AKAP13: variants seen among roughly 807,000 people sequenced by gnomAD.
The protein encoded by AKAP13 is A-kinase anchor protein 13.
AKAP13 carries 80 observed loss-of-function variants against 264.5 expected under a neutral mutation model. The ratio of observed to expected loss-of-function variants is 0.30; its 90% CI spans 0.25 to 0.36. The LOEUF (loss-of-function observed/expected upper bound fraction) is 0.36. Ranked by LOEUF, AKAP13 falls within the 10% of genes least tolerant of loss-of-function variation. AKAP13 has a pLI of 1.00. For missense variants in AKAP13, 3,712 were observed against 3,435.2 expected, an observed-to-expected ratio of 1.08 and a Z score of -2.01; for synonymous variants, 1,380 against 1,250.2, an observed-to-expected ratio of 1.10 and a Z score of -2.19.
intron 4 of AKAP13, chr15:85,536,710 G>A (rs1365560013): frequency 6.6e-6 from 1 of 152,210 alleles, no homozygotes. Flanking sequence ...GCGGGAAAAT[G>A]AAGTCAGTTT....
At chr15:85,438,451 G>C (rs932330936) in intron 1 of AKAP13, among the ~76,000 whole-genome samples, 3 of 151,400 alleles carry the variant, frequency 2.0e-5, no homozygotes, top group African/African-American at 4.9e-5. Context: ...TTTCTTCACA[G>C]AATTGGAAAA....
Position 85,733,240 on chromosome 15 carries a change from T to G in AKAP13, c.7283-1752T>G, listed in dbSNP as rs546897502. Among the ~76,000 whole-genome samples, 6 of 152,362 alleles carry G rather than the reference T, an allele frequency of 3.9e-5. No individual in the cohort carries two copies. The East Asian group carries it at 1.2e-3, about 29-fold the overall frequency. On this transcript the variant is annotated intron_variant, in intron 30 of 36. Transcript: ENST00000394518. The stretch of plus-strand genomic sequence containing the variant: ...GCCTATTTTGCTGAATATAAAATTA[T>G]TGGCTTGTTCATATTTTCTTCCCCA...
At chr15:85,481,572 TG>T (rs1382651046) in intron 1 of AKAP13, among the ~76,000 whole-genome samples, 1 of 152,180 alleles carries the variant, frequency 6.6e-6, no homozygotes, top group African/African-American at 2.4e-5. Flanking sequence ...AAGTGGAAAA[TG>T]TGGGAAGAAT....
intron 5 of AKAP13, among the ~76,000 whole-genome samples, chr15:85,554,501 C>T (rs1269452060): frequency 6.6e-6 from 1 of 152,084 alleles, no homozygotes. Context: ...ATTTTCCTTA[C>T]AGAATTTTGG....
At chr15:85,438,688 G>C (rs1027722790) in intron 1 of AKAP13, among the ~76,000 whole-genome samples, 1 of 150,890 alleles carries the variant, frequency 6.6e-6, no homozygotes, top group Non-Finnish European at 1.5e-5. Flanking sequence ...TCTGATCTTT[G>C]ACAAACCTGA....
chr15:85,545,799 G>T (rs1364561151), intron 5 of AKAP13, among the ~76,000 whole-genome samples: 4 of 152,142 alleles, frequency 2.6e-5, no homozygotes, highest in Non-Finnish European at 5.9e-5. Flanking sequence ...TGATCATTTT[G>T]TTATTGGTTT....
rs150960891 is a variant in AKAP13 at position 85,747,856 on chromosome 15, A to C, written c.*3179A>C. The stretch of plus-strand genomic sequence containing the variant: ...CCCTTCTGTGTCTCAGGGTAATACT[A>C]TTCAGAGTCGCCCCTTTGCTCATTT... On this transcript the variant is annotated 3_prime_UTR_variant, in exon 37 of 37. Coordinates refer to ENST00000394518, the MANE Select transcript of AKAP13 (RefSeq NM_007200.5). 3 of 153,264 alleles carry C rather than the reference A, an allele frequency of 2.0e-5. No individual in the cohort carries two copies. Among genetic ancestry groups the C allele is most frequent in the African/African-American group, 7.2e-5 (3 of 41,414 alleles). The allele number at this position is 153,264 out of a possible 1,614,324, so 9.5% of individuals were successfully genotyped here. A position where few individuals can be genotyped will look rare whatever the true frequency, so the allele number is the denominator to read the frequency against.
chr15:85,682,251 T>C, intron 15 of AKAP13, 39 bp downstream of exon 15: 1 of 1,593,458 alleles, frequency 6.3e-7, no homozygotes, highest in Non-Finnish European at 8.6e-7. Context: ...AGAAATAAAA[T>C]GAAGAAAATT....
In AKAP13 at chr15:85,499,873, C is replaced by A. The variant is rs530791159; in HGVS notation, c.33+14120C>A. On this transcript the variant is annotated intron_variant, in intron 2 of 36. Coordinates refer to ENST00000394518, the MANE Select transcript of AKAP13 (RefSeq NM_007200.5). ...CATGCCTTTTCCGTTTATTATGTTC[C>A]TTGAGGGTAGGGGCTTTGTATTTGA... 3.0e-4 allele frequency among the ~76,000 whole-genome samples: 45 copies of A among 152,176 alleles called. 1 individual carries two copies. The highest frequency in any genetic ancestry group is 1.1e-3 in the African/African-American group (44 of 41,498).
At chr15:85,405,537 A>G (rs2071620693) in intron 1 of AKAP13, among the ~76,000 whole-genome samples, 1 of 152,182 alleles carries the variant, frequency 6.6e-6, no homozygotes, top group South Asian at 2.1e-4. Flanking sequence ...TTGAGTGCTT[A>G]CTATGTGCTA....
At chr15:85,650,968 G>C (rs1181320294) in intron 10 of AKAP13, among the ~76,000 whole-genome samples, 1 of 151,912 alleles carries the variant, frequency 6.6e-6, no homozygotes, top group Non-Finnish European at 1.5e-5. Flanking sequence ...AAGGCACATA[G>C]TAGAGTGCCT....
chr15:85,403,882 C>T (rs141169376), intron 1 of AKAP13, among the ~76,000 whole-genome samples: 96 of 151,184 alleles, frequency 6.3e-4, no homozygotes, highest in Non-Finnish European at 1.3e-3. Flanking sequence ...GTGAAATGCT[C>T]TCTCTCTTTC....
Position 85,664,737 on chromosome 15 carries a change from T to A in AKAP13, c.4974T>A (p.His1658Gln). Reference sequence around the variant, plus strand: ...ATCTGGAGTCAGACCAGAGAGAACATAGGATGTTTGATCAGCAGGTAAGTC... The same window carrying A: ...ATCTGGAGTCAGACCAGAGAGAACAAAGGATGTTTGATCAGCAGGTAAGTC... ...EEDLESDQRE[H>Q]RMFDQQICHR... is the part of the protein sequence containing the mutation. The change falls in exon 13 of 37, where the codon CAT becomes CAA. Residue 1658 changes from histidine to glutamine, a missense_variant. By Grantham distance (24) the His-to-Gln change is conservative. This residue lies in a region of AKAP13 where 2,759 missense variants were observed against 2,411.7 expected (regional missense o/e 1.14). Coordinates refer to ENST00000394518, the MANE Select transcript of AKAP13 (RefSeq NM_007200.5). The A allele has an allele frequency of 1.9e-6, 3 of 1,612,632 alleles. No individual in the cohort carries two copies. In the South Asian group the frequency reaches 3.3e-5, roughly 18 times the overall value.
chr15:85,400,577 T>C (rs2071374391), intron 1 of AKAP13, among the ~76,000 whole-genome samples: 1 of 152,112 alleles, frequency 6.6e-6, no homozygotes, highest in Non-Finnish European at 1.5e-5. Flanking sequence ...TAGGCAAACC[T>C]TTTTCTCTGA....
At chr15:85,578,853 A>C in intron 6 of AKAP13, 77 bp from the exon 7 acceptor site, 2 of 1,413,600 alleles carry the variant, frequency 1.4e-6, no homozygotes. Context: ...TCTGTCCAAC[A>C]GAATTTTTGC....
At chr15:85,725,804 G>A (rs1471171576) in intron 26 of AKAP13, among the ~76,000 whole-genome samples, 2 of 152,224 alleles carry the variant, frequency 1.3e-5, no homozygotes, top group Admixed American at 1.3e-4. Context: ...AGTTTAAGCT[G>A]ACTATTGCAT....
At chr15:85,616,387 A>G (rs1009922637) in intron 8 of AKAP13, among the ~76,000 whole-genome samples, 4 of 152,198 alleles carry the variant, frequency 2.6e-5, no homozygotes, top group African/African-American at 9.7e-5. Context: ...CTAAATTAAG[A>G]TGTATAAAAT....
At chr15:85,539,073 C>T (rs1841790804) in intron 4 of AKAP13, among the ~76,000 whole-genome samples, 3 of 152,094 alleles carry the variant, frequency 2.0e-5, no homozygotes, top group Admixed American at 2.0e-4. Context: ...TCTCATGATC[C>T]TCCCGCCTCG....
intron 1 of AKAP13, among the ~76,000 whole-genome samples, chr15:85,443,532 G>A (rs1268983205): frequency 6.6e-6 from 1 of 152,042 alleles, no homozygotes; most frequent in Non-Finnish European, 1.5e-5. Flanking sequence ...TTTGTTAGTA[G>A]AACCATGAAA....
Sources: gnomAD v4.1 joint callset for allele counts (sites outside exome capture counted in the v4.1 genomes callset) on GRCh38, gnomAD v4.1.1 for gene constraint, gnomAD v4.1.1 regional missense constraint, MANE v1.5 for transcripts, NCBI Gene and HGNC (gene_info 2026-07-23, HGNC 2026-07-21) for gene names.